The following DPY19L2 variants were observed in gnomAD, a reference collection of about 807,000 sequenced individuals.
The protein encoded by DPY19L2 is dpy-19 like 2.
A neutral mutation model predicts 97.9 loss-of-function variants in DPY19L2; 34 were observed. The ratio of observed to expected loss-of-function variants is 0.35; its 90% CI spans 0.26 to 0.46. The LOEUF is 0.46. DPY19L2 is among the 20% of genes least tolerant of loss of function. DPY19L2 has a pLI of 1.00. For synonymous variants in DPY19L2, 230 were observed against 307.9 expected, an observed-to-expected ratio of 0.75 and a Z score of 2.65; for missense variants, 623 against 911.4, an observed-to-expected ratio of 0.68 and a Z score of 4.07.
At chr12:63,584,425 C>T (rs1235046398) in intron 16 of DPY19L2, among the ~76,000 whole-genome samples, 1 of 152,186 alleles carries the variant, frequency 6.6e-6, no homozygotes, top group Non-Finnish European at 1.5e-5. Flanking sequence ...TGCTTATCCT[C>T]CAATCCTCAC....
At chr12:63,631,212 A>G (rs1364839857) in intron 6 of DPY19L2, among the ~76,000 whole-genome samples, 5 of 152,160 alleles carry the variant, frequency 3.3e-5, no homozygotes, top group Admixed American at 3.3e-4. Flanking sequence ...AGAAATAACT[A>G]AGATCAGAGC....
intron 6 of DPY19L2, among the ~76,000 whole-genome samples, chr12:63,633,234 C>G (rs1440115640): frequency 6.6e-6 from 1 of 150,388 alleles, no homozygotes; most frequent in African/African-American, 2.5e-5. Context: ...TTAAACTACA[C>G]AGCTTCTGCA....
chr12:63,593,264 A>T (rs1337095686), intron 16 of DPY19L2, among the ~76,000 whole-genome samples: 1 of 152,188 alleles, frequency 6.6e-6, no homozygotes, highest in African/African-American at 2.4e-5. Context: ...TAGAAATACC[A>T]TTTGACCCAG....
chr12:63,580,872 T>C (rs1482496299), intron 18 of DPY19L2, 36 bp from the exon 19 acceptor site: 6 of 1,599,476 alleles, frequency 3.8e-6, no homozygotes, highest in African/African-American at 1.3e-5. Flanking sequence ...CTAGTTCTTA[T>C]ATGAAGAGTA....
intron 11 of DPY19L2, among the ~76,000 whole-genome samples, chr12:63,610,876 C>CCA (rs758671633): frequency 1.7e-4 from 5 of 29,698 alleles, no homozygotes; most frequent in Non-Finnish European, 2.2e-4. Flanking sequence ...AAAAAAAAAA[C>CCA]CACACACACA....
intron 4 of DPY19L2, among the ~76,000 whole-genome samples, chr12:63,653,472 C>G (rs1192451769): frequency 6.6e-6 from 1 of 151,954 alleles, no homozygotes; most frequent in Non-Finnish European, 1.5e-5. Flanking sequence ...CCCTTGATTC[C>G]AGGAGTCAGA....
chr12:63,583,906 T>C, intron 16 of DPY19L2, 70 bp from the exon 17 acceptor site: 1 of 1,340,652 alleles, frequency 7.5e-7, no homozygotes, highest in Non-Finnish European at 1.0e-6. Flanking sequence ...AAAATAAGCT[T>C]CATTTGCTTG....
chr12:63,634,472 G>A (rs1181862199), intron 6 of DPY19L2, among the ~76,000 whole-genome samples: 1 of 152,190 alleles, frequency 6.6e-6, no homozygotes, highest in Non-Finnish European at 1.5e-5. Context: ...AGCCCACGGA[G>A]CAGGGTGGGG....
At chr12:63,606,859 C>T (rs1316521977) in intron 12 of DPY19L2, among the ~76,000 whole-genome samples, 1 of 152,094 alleles carries the variant, frequency 6.6e-6, no homozygotes, top group Non-Finnish European at 1.5e-5. Flanking sequence ...GAGCTCAATT[C>T]AACAATTACT....
chr12:63,645,139 T>C (rs1215119549), intron 5 of DPY19L2, among the ~76,000 whole-genome samples: 1 of 152,144 alleles, frequency 6.6e-6, no homozygotes, highest in Non-Finnish European at 1.5e-5. Flanking sequence ...CACACTTTTC[T>C]CAGAACAAGT....
chr12:63,637,391 A>T (rs553456154), intron 6 of DPY19L2, among the ~76,000 whole-genome samples: 1 of 151,888 alleles, frequency 6.6e-6, no homozygotes, highest in African/African-American at 2.4e-5. Flanking sequence ...TAGAGACACA[A>T]AAAACTCTTT....
Position 63,595,976 on chromosome 12 carries a change from A to G in DPY19L2, c.1523T>C (p.Ile508Thr), listed in dbSNP as rs1330393446. The G allele has an allele frequency of 1.1e-5, 18 of 1,589,586 alleles. No individual in the cohort carries two copies. Among genetic ancestry groups the G allele is most frequent in the Non-Finnish European group, 1.5e-5 (18 of 1,167,148 alleles). Residue 508 changes from isoleucine to threonine, a missense_variant, in exon 15 of 22, where the codon ATC (isoleucine) becomes ACC (threonine). Ile to Thr is a moderately conservative substitution (Grantham distance 89). Around this residue, in one of 6 missense-constraint regions of DPY19L2, gnomAD observed 294 missense variants for 446.2 expected, o/e 0.66. Transcript: ENST00000324472. Reference sequence around the variant, plus strand: ...TTTGTTTAAAAATACCTTTTTAAAGATAAAACATGTAATCACCATAACAAC... The same window carrying G: ...TTTGTTTAAAAATACCTTTTTAAAGGTAAAACATGTAATCACCATAACAAC... ...LPVVMVITCF[I>T]FKKTVRDISY...
intron 6 of DPY19L2, among the ~76,000 whole-genome samples, chr12:63,631,805 A>G (rs1279833275): frequency 2.0e-5 from 3 of 152,178 alleles, no homozygotes; most frequent in Non-Finnish European, 4.4e-5. Flanking sequence ...CATTAATGCA[A>G]AATTCCTCAA....
chr12:63,628,863 C>T (rs1224941842), intron 6 of DPY19L2, among the ~76,000 whole-genome samples: 1 of 151,004 alleles, frequency 6.6e-6, no homozygotes, highest in Non-Finnish European at 1.5e-5. Flanking sequence ...TCCTCTGAGA[C>T]AAAATTTCCA....
intron 6 of DPY19L2, among the ~76,000 whole-genome samples, chr12:63,626,775 G>C (rs1889622024): frequency 6.6e-6 from 1 of 151,926 alleles, no homozygotes. Flanking sequence ...AATACATAAG[G>C]TGTGAACATA....
At chr12:63,626,663 A>C in intron 6 of DPY19L2, 137 bp from the exon 7 acceptor site, 2 of 1,143,476 alleles carry the variant, frequency 1.7e-6, no homozygotes, top group Non-Finnish European at 2.4e-6. Context: ...AACCATACCC[A>C]TGTGGTTGAA....
chr12:63,588,920 A>AT (rs1444908804), intron 16 of DPY19L2, among the ~76,000 whole-genome samples: 2 of 151,660 alleles, frequency 1.3e-5, no homozygotes, highest in Admixed American at 6.6e-5. Flanking sequence ...TGCCCAGCTA[A>AT]TTTTTTGTAT....
intron 16 of DPY19L2, among the ~76,000 whole-genome samples, chr12:63,592,730 CA>C (rs1883345797): frequency 6.7e-6 from 1 of 150,022 alleles, no homozygotes; most frequent in African/African-American, 2.4e-5. Flanking sequence ...TAGGCATGGG[CA>C]AGGACTTCAT....
At chr12:63,578,415 TCAA>T (rs940096249) in intron 19 of DPY19L2, among the ~76,000 whole-genome samples, 7 of 152,212 alleles carry the variant, frequency 4.6e-5, no homozygotes, top group African/African-American at 1.7e-4. Context: ...GTGACTATAG[TCAA>T]CAAAATTTTA....
Sources: allele counts gnomAD v4.1 joint callset (sites outside exome capture counted in the v4.1 genomes callset), GRCh38; gene constraint gnomAD v4.1.1; regional missense constraint gnomAD v4.1.1; transcripts MANE v1.5; gene names NCBI Gene and HGNC (gene_info 2026-07-23, HGNC 2026-07-21).